Variants in NEGR1 observed in about 807,000 individuals in gnomAD.
NEGR1 encodes neuronal growth regulator 1.
In NEGR1, 10 loss-of-function variants were observed where a neutral mutation model predicts 40.9. The ratio of observed to expected loss-of-function variants is 0.24; its 90% CI spans 0.15 to 0.42. The LOEUF is 0.42. Ranked by LOEUF, NEGR1 falls within the 10% of genes least tolerant of loss-of-function variation. The probability of loss-of-function intolerance (pLI) is 1.00; values close to 1 mark genes in which losing one functional copy is unlikely to be tolerated. For synonymous variants in NEGR1, 185 were observed against 166.8 expected (o/e 1.11, Z -0.84); for missense variants, 352 against 438.9 (o/e 0.80, Z 1.77).
intron 1 of NEGR1, among the ~76,000 whole-genome samples, chr1:72,263,634 T>G (rs1023349586): frequency 6.6e-6 from 1 of 151,546 alleles, no homozygotes; most frequent in Non-Finnish European, 1.5e-5. Context: ...ATGTAGTCAG[T>G]CCAAACAAAA....
chr1:71,811,949 T>C (rs1390013616), intron 2 of NEGR1, among the ~76,000 whole-genome samples: 9 of 151,200 alleles, frequency 6.0e-5, no homozygotes, highest in Non-Finnish European at 1.2e-4. Flanking sequence ...AGGTTTAGTA[T>C]ATAGGTAAAC....
chr1:71,827,238 C>A (rs879614541), intron 2 of NEGR1, among the ~76,000 whole-genome samples: 2 of 151,454 alleles, frequency 1.3e-5, no homozygotes, highest in Admixed American at 6.6e-5. Context: ...AATAAAAAGT[C>A]TTTCCTTTAA....
At chr1:72,190,051 T>C (rs140161166) in intron 1 of NEGR1, among the ~76,000 whole-genome samples, 68 of 151,676 alleles carry the variant, frequency 4.5e-4, no homozygotes, top group African/African-American at 1.6e-3. Context: ...AATCTCTAAA[T>C]TTAATAGTTA....
At chr1:72,210,656 A>C (rs1653569418) in intron 1 of NEGR1, among the ~76,000 whole-genome samples, 1 of 151,902 alleles carries the variant, frequency 6.6e-6, no homozygotes, top group African/African-American at 2.4e-5. Flanking sequence ...TCTAGTTCTC[A>C]TAGTATTTTT....
At chr1:72,143,895 T>TA (rs1553144994) in intron 1 of NEGR1, among the ~76,000 whole-genome samples, 60 of 95,824 alleles carry the variant, frequency 6.3e-4, no homozygotes, top group East Asian at 4.5e-3. Context: ...TATATATATA[T>TA]TATATATATG....
intron 1 of NEGR1, among the ~76,000 whole-genome samples, chr1:72,267,507 T>C (rs1197091781): frequency 1.3e-5 from 2 of 151,168 alleles, no homozygotes; most frequent in Non-Finnish European, 3.0e-5. Flanking sequence ...TGTAAGAAAA[T>C]AGTTATATGT....
At chr1:72,060,945 C>T (rs114344986) in intron 1 of NEGR1, among the ~76,000 whole-genome samples, 2,950 of 151,548 alleles carry the variant, frequency 0.019, 53 homozygotes, top group Non-Finnish European at 0.027. Flanking sequence ...TTTTCCATAA[C>T]ATATTCTGAA....
chr1:71,653,412 C>A (rs184337515), intron 4 of NEGR1, among the ~76,000 whole-genome samples: 1 of 152,142 alleles, frequency 6.6e-6, no homozygotes, highest in Non-Finnish European at 1.5e-5. Flanking sequence ...AAAAGCTTTC[C>A]ATTTCAGAAA....
chr1:71,785,235 A>G (rs541938478), intron 2 of NEGR1, among the ~76,000 whole-genome samples: 3 of 152,308 alleles, frequency 2.0e-5, no homozygotes, highest in South Asian at 4.1e-4. Flanking sequence ...GTCGTGCTGT[A>G]TATCACAGGG....
chr1:72,212,640 C>G (rs926674499), intron 1 of NEGR1, among the ~76,000 whole-genome samples: 1 of 151,724 alleles, frequency 6.6e-6, no homozygotes, highest in Admixed American at 6.6e-5. Flanking sequence ...TGGTAAAAAG[C>G]AATAAAGAAG....
In NEGR1 at chr1:71,589,002, C is replaced by T. The variant is rs943114211; in HGVS notation, c.940+3815G>A. 5.9e-5 allele frequency among the ~76,000 whole-genome samples: 9 copies of T among 152,200 alleles called. No homozygotes were observed. The East Asian group carries it at 7.7e-4, about 13-fold the overall frequency. ...TTTTCATAGCCTAACCTCTGAAAAG[C>T]GCAATTTATTATCCATGTCTCTATT... On this transcript the variant is annotated intron_variant, in intron 6 of 6. Transcript: ENST00000357731.
intron 6 of NEGR1, among the ~76,000 whole-genome samples, chr1:71,538,556 T>C (rs958872703): frequency 2.6e-5 from 4 of 151,600 alleles, no homozygotes; most frequent in Non-Finnish European, 4.4e-5. Context: ...TGGGTTGCCC[T>C]GGAATGACCA....
intron 6 of NEGR1, among the ~76,000 whole-genome samples, chr1:71,445,921 C>T (rs1312047250): frequency 6.6e-6 from 1 of 152,084 alleles, no homozygotes; most frequent in Non-Finnish European, 1.5e-5. Flanking sequence ...ATAGGAATTA[C>T]AAAAAGAAAG....
intron 2 of NEGR1, among the ~76,000 whole-genome samples, chr1:71,821,567 A>G (rs1163795169): frequency 1.3e-5 from 2 of 152,038 alleles, no homozygotes; most frequent in Admixed American, 6.6e-5. Flanking sequence ...GGCTCTGAAG[A>G]GGTTCAGGCT....
At chr1:71,597,111 T>C (rs1291061210) in intron 5 of NEGR1, among the ~76,000 whole-genome samples, 1 of 152,176 alleles carries the variant, frequency 6.6e-6, no homozygotes, top group African/African-American at 2.4e-5. Flanking sequence ...AATTCCAAGA[T>C]GTTGTGTGAA....
At chr1:72,113,672 A>G (rs1053618891) in intron 1 of NEGR1, among the ~76,000 whole-genome samples, 1 of 151,696 alleles carries the variant, frequency 6.6e-6, no homozygotes, top group Non-Finnish European at 1.5e-5. Context: ...TACCTACTTT[A>G]GTACAGTATT....
At chr1:72,189,717 T>G (rs1224612107) in intron 1 of NEGR1, among the ~76,000 whole-genome samples, 1 of 151,578 alleles carries the variant, frequency 6.6e-6, no homozygotes, top group Non-Finnish European at 1.5e-5. Context: ...GCTTGAGAGA[T>G]ATTTCTGTTT....
In NEGR1 at chr1:71,811,571, TTAATTTACTTA is replaced by T. The variant is rs1055727333; in HGVS notation, c.410-35285_410-35275del. Among the ~76,000 whole-genome samples the T allele has an allele frequency of 4.4e-4, 66 of 151,358 alleles. 1 individual carries two copies. Among genetic ancestry groups the T allele is most frequent in the African/African-American group, 1.3e-3 (55 of 41,454 alleles). On this transcript the variant is annotated intron_variant, in intron 2 of 6. Coordinates refer to ENST00000357731, the MANE Select transcript of NEGR1 (RefSeq NM_173808.3). ...ATTTAATTTATTTACTTACTTATAT[TTAATTTACTTA>T]TAATTTACTTATAAGTAAGTAATTA...
chr1:72,058,218 T>C (rs926271107), intron 1 of NEGR1, among the ~76,000 whole-genome samples: 8 of 151,610 alleles, frequency 5.3e-5, no homozygotes, highest in African/African-American at 1.7e-4. Context: ...GTCAAGTAAG[T>C]TGGAAAGAAA....
Sources: gnomAD v4.1 joint callset for allele counts (sites outside exome capture counted in the v4.1 genomes callset) on GRCh38, gnomAD v4.1.1 for gene constraint, MANE v1.5 for transcripts, NCBI Gene and HGNC (gene_info 2026-07-23, HGNC 2026-07-21) for gene names.